Variants in FRMD5 observed in about 807,000 individuals in gnomAD.
The protein encoded by FRMD5 is FERM domain-containing protein 5.
FRMD5 carries 20 observed loss-of-function variants against 69.0 expected under a neutral mutation model. That is an observed-to-expected ratio of 0.29 (90% CI 0.20 to 0.42). FRMD5 has a LOEUF of 0.42. Ranked by LOEUF, FRMD5 falls within the 10% of genes least tolerant of loss-of-function variation. The probability of loss-of-function intolerance (pLI) is 1.00; values close to 1 mark genes in which losing one functional copy is unlikely to be tolerated. For missense variants in FRMD5, 595 were observed against 708.6 expected (o/e 0.84, Z 1.82); for synonymous variants, 271 against 260.1 (o/e 1.04, Z -0.40).
intron 13 of FRMD5, among the ~76,000 whole-genome samples, chr15:43,877,484 TGTG>T (rs2088395828): frequency 3.9e-5 from 6 of 152,334 alleles, no homozygotes; most frequent in African/African-American, 1.4e-4. Flanking sequence ...TGACCAGCCT[TGTG>T]GAGCCTGTCT....
chr15:44,014,466 G>A (rs1890865470), intron 1 of FRMD5, among the ~76,000 whole-genome samples: 1 of 152,212 alleles, frequency 6.6e-6, no homozygotes, highest in South Asian at 2.1e-4. Context: ...GCTGGGTGTG[G>A]TAGCTCACGC....
At chr15:43,880,864 G>C (rs898955831) in intron 13 of FRMD5, among the ~76,000 whole-genome samples, 15 of 152,214 alleles carry the variant, frequency 9.9e-5, no homozygotes, top group African/African-American at 3.4e-4. Flanking sequence ...GCAGCAAGGG[G>C]GAATAGTTTG....
intron 1 of FRMD5, among the ~76,000 whole-genome samples, chr15:44,171,889 G>C (rs1405671626): frequency 1.3e-5 from 2 of 152,200 alleles, no homozygotes; most frequent in Non-Finnish European, 2.9e-5. Flanking sequence ...TCAGCCTCAT[G>C]AGTAGCTGGG....
chr15:44,076,355 A>C (rs1288192431), intron 1 of FRMD5, among the ~76,000 whole-genome samples: 1 of 150,266 alleles, frequency 6.7e-6, no homozygotes, highest in East Asian at 1.9e-4. Flanking sequence ...TCACAATAGC[A>C]AAGACTTGGA....
chr15:44,026,813 T>A (rs1196938095), intron 1 of FRMD5, among the ~76,000 whole-genome samples: 1 of 152,186 alleles, frequency 6.6e-6, no homozygotes, highest in African/African-American at 2.4e-5. Context: ...TTTCCAAAAT[T>A]TATTCTGCTC....
At chr15:44,067,561 C>T (rs1472475200) in intron 1 of FRMD5, among the ~76,000 whole-genome samples, 1 of 152,138 alleles carries the variant, frequency 6.6e-6, no homozygotes, top group African/African-American at 2.4e-5. Context: ...GCCTGTTCCT[C>T]ATGGATCATG....
At chr15:44,160,709 A>G (rs2140498292) in intron 1 of FRMD5, among the ~76,000 whole-genome samples, 1 of 152,346 alleles carries the variant, frequency 6.6e-6, no homozygotes, top group South Asian at 2.1e-4. Flanking sequence ...AAAGCTTTTC[A>G]AGCTAATTTT....
chr15:43,903,005 A>T (rs1381714785), intron 6 of FRMD5, among the ~76,000 whole-genome samples: 1 of 152,224 alleles, frequency 6.6e-6, no homozygotes, highest in Non-Finnish European at 1.5e-5. Context: ...CTGTCTGTCC[A>T]TAGGGTGATG....
intron 1 of FRMD5, among the ~76,000 whole-genome samples, chr15:43,942,450 A>T (rs1322584064): frequency 6.6e-6 from 1 of 152,212 alleles, no homozygotes; most frequent in Non-Finnish European, 1.5e-5. Context: ...GACTTTGACA[A>T]TCCAAACTTA....
At chr15:44,058,572 G>A (rs1456042401) in intron 1 of FRMD5, among the ~76,000 whole-genome samples, 7 of 152,090 alleles carry the variant, frequency 4.6e-5, no homozygotes, top group Non-Finnish European at 1.0e-4. Flanking sequence ...AGATCACAAC[G>A]TCGGGAGATC....
In FRMD5 at chr15:44,011,051, G is replaced by A. The variant is rs541484463; in HGVS notation, c.103-86742C>T. Among the ~76,000 whole-genome samples the A allele has an allele frequency of 2.0e-5, 3 of 152,208 alleles. No individual in the cohort carries two copies. In the East Asian group the frequency reaches 5.8e-4, roughly 29 times the overall value. On this transcript the variant is annotated intron_variant, in intron 1 of 13. Coordinates refer to ENST00000417257, the MANE Select transcript of FRMD5 (RefSeq NM_032892.5). ...AAAGAGGTACAGATAATTTAGAAGAGACAGAACATTTGGCTAGTGGCAGTG... is the reference window on the plus strand; with the variant it reads ...AAAGAGGTACAGATAATTTAGAAGAAACAGAACATTTGGCTAGTGGCAGTG...
chr15:44,013,944 C>A (rs904772396), intron 1 of FRMD5, among the ~76,000 whole-genome samples: 56 of 151,592 alleles, frequency 3.7e-4, no homozygotes, highest in African/African-American at 1.4e-3. Flanking sequence ...GCAAGCTCCA[C>A]CCCCTGGGTT....
At chr15:43,945,459 A>G (rs2089930564) in intron 1 of FRMD5, among the ~76,000 whole-genome samples, 2 of 152,156 alleles carry the variant, frequency 1.3e-5, no homozygotes, top group Admixed American at 6.5e-5. Context: ...TTAAATTACT[A>G]CTGAGGACAT....
At position 43,884,776 on chromosome 15, in the gene FRMD5, C is replaced by T. The variant is rs1280460823; in HGVS notation, c.979G>A (p.Val327Ile). The change falls in exon 12 of 14, where the codon GTC (valine) becomes ATC (isoleucine). Residue 327 changes from valine (V) to isoleucine (I), a missense_variant. By Grantham distance (29) the Val-to-Ile change is conservative. This residue lies in a region of FRMD5 where 176 missense variants were observed against 266.3 expected (regional missense o/e 0.66). Coordinates refer to ENST00000417257, the MANE Select transcript of FRMD5 (RefSeq NM_032892.5). ...TTGATCTTAGCACTTGATTCCATGACTTCCTTTGCAACTCGGCCACTGTAA... is the reference window on the plus strand; with the variant it reads ...TTGATCTTAGCACTTGATTCCATGATTTCCTTTGCAACTCGGCCACTGTAA... ...FRYSGRVAKEVMESSAKIKRE... is the reference protein window; with the variant it reads ...FRYSGRVAKEIMESSAKIKRE... 1 of 1,614,152 alleles carries T rather than the reference C, an allele frequency of 6.2e-7. No homozygotes were observed. Among genetic ancestry groups the T allele is most frequent in the East Asian group, 2.2e-5 (1 of 44,892 alleles).
chr15:43,941,142 G>C (rs780823871), intron 1 of FRMD5, among the ~76,000 whole-genome samples: 2 of 152,182 alleles, frequency 1.3e-5, no homozygotes, highest in Non-Finnish European at 2.9e-5. Context: ...GCCAAGAAGC[G>C]GATTGCTTGA....
At chr15:44,193,075 C>T (rs2078222219) in intron 1 of FRMD5, among the ~76,000 whole-genome samples, 1 of 152,040 alleles carries the variant, frequency 6.6e-6, no homozygotes, top group South Asian at 2.1e-4. Context: ...AATTATAATA[C>T]CAATCAAGCA....
At chr15:43,894,484 G>A (rs964995978) in intron 7 of FRMD5, among the ~76,000 whole-genome samples, 3 of 152,046 alleles carry the variant, frequency 2.0e-5, no homozygotes, top group Non-Finnish European at 2.9e-5. Context: ...GGGAACGTCC[G>A]TATGTGCGTA....
intron 1 of FRMD5, among the ~76,000 whole-genome samples, chr15:44,179,110 GA>G (rs1326475585): frequency 6.6e-6 from 1 of 152,002 alleles, no homozygotes; most frequent in African/African-American, 2.4e-5. Context: ...TAACCTATCT[GA>G]AAAAAAGTCA....
intron 1 of FRMD5, among the ~76,000 whole-genome samples, chr15:44,037,087 T>A (rs563320097): frequency 2.6e-4 from 39 of 152,124 alleles, no homozygotes; most frequent in Admixed American, 2.5e-3. Flanking sequence ...GCTCTACCCA[T>A]CAGCCTGTCA....
Sources: allele counts gnomAD v4.1 joint callset (sites outside exome capture counted in the v4.1 genomes callset), GRCh38; gene constraint gnomAD v4.1.1; regional missense constraint gnomAD v4.1.1; transcripts MANE v1.5; gene names NCBI Gene and HGNC (gene_info 2026-07-23, HGNC 2026-07-21).